NDUFAF2: variants seen among roughly 807,000 people sequenced by gnomAD.
NDUFAF2 encodes NADH dehydrogenase [ubiquinone] 1 alpha subcomplex assembly factor 2.
NDUFAF2 carries 13 observed loss-of-function variants against 22.8 expected under a neutral mutation model. The ratio of observed to expected loss-of-function variants is 0.57; its 90% CI spans 0.37 to 0.91. NDUFAF2 has a LOEUF of 0.91. NDUFAF2 is among the 40% of genes least tolerant of loss of function. The pLI is 0.01. For synonymous variants in NDUFAF2, 53 were observed against 64.2 expected (o/e 0.83, Z 0.84); for missense variants, 162 against 195.2 (o/e 0.83, Z 1.01).
At chr5:61,025,220 C>T (rs1460035741) in intron 1 of NDUFAF2, among the ~76,000 whole-genome samples, 6 of 152,126 alleles carry the variant, frequency 3.9e-5, no homozygotes, top group African/African-American at 1.2e-4. Context: ...CCCATGACCT[C>T]ATAAACATAA....
At chr5:60,993,214 T>C (rs1041543691) in intron 1 of NDUFAF2, among the ~76,000 whole-genome samples, 2 of 152,240 alleles carry the variant, frequency 1.3e-5, no homozygotes, top group Non-Finnish European at 2.9e-5. Context: ...TAGACCACAC[T>C]GCAGGCAGCT....
At chr5:60,999,056 A>G (rs1377725405) in intron 1 of NDUFAF2, among the ~76,000 whole-genome samples, 1 of 152,006 alleles carries the variant, frequency 6.6e-6, no homozygotes, top group African/African-American at 2.4e-5. Flanking sequence ...TAGAAGACCA[A>G]TGAAAGTTGA....
At chr5:61,043,725 C>G (rs942165706) in intron 1 of NDUFAF2, among the ~76,000 whole-genome samples, 1 of 136,248 alleles carries the variant, frequency 7.3e-6, no homozygotes, top group Non-Finnish European at 1.7e-5. Context: ...GTGTGTGTAT[C>G]TACATCTATA....
intron 1 of NDUFAF2, among the ~76,000 whole-genome samples, chr5:60,970,278 G>A (rs1022582936): frequency 6.6e-6 from 1 of 152,112 alleles, no homozygotes; most frequent in Non-Finnish European, 1.5e-5. Context: ...TTGGTATTTT[G>A]ATAGGGATTG....
chr5:61,079,447 T>G (rs1251283742), intron 2 of NDUFAF2, among the ~76,000 whole-genome samples: 1 of 152,210 alleles, frequency 6.6e-6, no homozygotes, highest in Non-Finnish European at 1.5e-5. Context: ...TCTATAAAAT[T>G]AAAACGCTGA....
In NDUFAF2 at chr5:60,945,221, C is replaced by T; in HGVS notation, c.-35C>T. 6 of 1,608,478 alleles carry T rather than the reference C, an allele frequency of 3.7e-6. No homozygotes were observed. Among genetic ancestry groups the T allele is most frequent in the Non-Finnish European group, 5.1e-6 (6 of 1,178,218 alleles). ...TGGAGCATTACCCCTACTGCGGGTC[C>T]CGCTGCTGGCAGCGCTGGAAACTGG... On this transcript the variant is annotated 5_prime_UTR_variant, in exon 1 of 4. Transcript: ENST00000296597.
At chr5:61,127,407 A>G (rs56159106) in intron 3 of NDUFAF2, among the ~76,000 whole-genome samples, 77,943 of 151,844 alleles carry the variant, frequency 0.51, 21,470 homozygotes, top group East Asian at 0.91. Flanking sequence ...GGCAAACTGA[A>G]TCAAGCAGCA....
intron 1 of NDUFAF2, among the ~76,000 whole-genome samples, chr5:61,068,393 A>G (rs1457148534): frequency 1.3e-5 from 2 of 152,132 alleles, no homozygotes; most frequent in Non-Finnish European, 2.9e-5. Context: ...AAGTTCAGAA[A>G]CTGAATATTG....
chr5:60,946,414 A>C lies in NDUFAF2; in HGVS notation c.127+1032A>C, dbSNP rs187709274. Among the ~76,000 whole-genome samples, 499 of 152,196 alleles carry C rather than the reference A, an allele frequency of 3.3e-3. 2 individuals carry two copies. The highest frequency in any genetic ancestry group is 0.012 in the African/African-American group (483 of 41,520). On this transcript the variant is annotated intron_variant, in intron 1 of 3. Coordinates refer to ENST00000296597, the MANE Select transcript of NDUFAF2 (RefSeq NM_174889.5). ...TATAAAATGTATTCTGTGATTTATCACTCAATTAATTTATTTTTGCCTGGC... is the reference window on the plus strand; with the variant it reads ...TATAAAATGTATTCTGTGATTTATCCCTCAATTAATTTATTTTTGCCTGGC...
At chr5:60,991,224 G>T (rs1751154175) in intron 1 of NDUFAF2, among the ~76,000 whole-genome samples, 1 of 151,852 alleles carries the variant, frequency 6.6e-6, no homozygotes, top group Non-Finnish European at 1.5e-5. Context: ...TATATTTATG[G>T]GGTACATGAG....
intron 1 of NDUFAF2, among the ~76,000 whole-genome samples, chr5:60,973,423 A>T (rs1750862267): frequency 6.6e-6 from 1 of 152,066 alleles, no homozygotes; most frequent in Non-Finnish European, 1.5e-5. Context: ...TGCCAACATA[A>T]TTTTTTCCTT....
chr5:61,061,831 G>C (rs140822434), intron 1 of NDUFAF2, among the ~76,000 whole-genome samples: 9 of 152,182 alleles, frequency 5.9e-5, no homozygotes, highest in African/African-American at 2.4e-5. Flanking sequence ...ACCACTGTGA[G>C]GATAACAAGA....
intron 1 of NDUFAF2, among the ~76,000 whole-genome samples, chr5:60,950,206 G>A (rs893603364): frequency 6.6e-6 from 1 of 151,792 alleles, no homozygotes; most frequent in Non-Finnish European, 1.5e-5. Context: ...TTTCCCCAAA[G>A]GTGGAATTTC....
At chr5:61,069,566 A>G (rs886872489) in intron 1 of NDUFAF2, among the ~76,000 whole-genome samples, 2 of 152,186 alleles carry the variant, frequency 1.3e-5, no homozygotes, top group Admixed American at 1.3e-4. Context: ...AAAGAAAAAT[A>G]TTAGGTTATA....
At chr5:61,023,992 G>A (rs1339986721) in intron 1 of NDUFAF2, among the ~76,000 whole-genome samples, 1 of 152,098 alleles carries the variant, frequency 6.6e-6, no homozygotes, top group Non-Finnish European at 1.5e-5. Flanking sequence ...TATGGCTCTG[G>A]CTTTGACTTC....
chr5:61,148,996 A>G (rs1741189246), intron 3 of NDUFAF2, among the ~76,000 whole-genome samples: 1 of 152,112 alleles, frequency 6.6e-6, no homozygotes, highest in Admixed American at 6.5e-5. Context: ...TTTGAGACAG[A>G]GTCTTGCTCT....
chr5:61,033,949 T>C (rs1052531385), intron 1 of NDUFAF2, among the ~76,000 whole-genome samples: 2 of 152,158 alleles, frequency 1.3e-5, no homozygotes, highest in African/African-American at 4.8e-5. Flanking sequence ...GAAGGAGAAC[T>C]AGACATCTGT....
intron 1 of NDUFAF2, among the ~76,000 whole-genome samples, chr5:61,015,231 T>C (rs1207391416): frequency 6.6e-6 from 1 of 152,200 alleles, no homozygotes; most frequent in Non-Finnish European, 1.5e-5. Context: ...TCTGACACAC[T>C]ATTTTTAATT....
At chr5:61,108,498 A>G (rs1003762498) in intron 3 of NDUFAF2, among the ~76,000 whole-genome samples, 6 of 151,412 alleles carry the variant, frequency 4.0e-5, no homozygotes, top group Non-Finnish European at 8.8e-5. Context: ...AAAAGAAGAC[A>G]TTTATGCAGC....
Sources: allele counts gnomAD v4.1 joint callset (sites outside exome capture counted in the v4.1 genomes callset), GRCh38; gene constraint gnomAD v4.1.1; transcripts MANE v1.5; gene names NCBI Gene and HGNC (gene_info 2026-07-23, HGNC 2026-07-21).